The following RGS7 variants were observed in gnomAD, a reference collection of about 807,000 sequenced individuals.
The protein encoded by RGS7 is regulator of G-protein signaling 7.
Under a neutral mutation model 81.1 loss-of-function variants are expected in RGS7, and 27 were observed. That is an observed-to-expected ratio of 0.33 (90% CI 0.25 to 0.46). The LOEUF (loss-of-function observed/expected upper bound fraction) is 0.46, where lower values mean the gene tolerates loss of function less well. RGS7 is among the 20% of genes least tolerant of loss of function. RGS7 has a pLI of 1.00. For missense variants in RGS7, 396 were observed against 607.4 expected (o/e 0.65, Z 3.66); for synonymous variants, 208 against 207.7 (o/e 1.00, Z -0.01).
intron 15 of RGS7, among the ~76,000 whole-genome samples, chr1:240,803,520 A>T (rs1255208205): frequency 6.6e-6 from 1 of 152,146 alleles, no homozygotes; most frequent in Non-Finnish European, 1.5e-5. Context: ...GTCCAAAAAT[A>T]AATTTTGTGA....
At chr1:241,040,171 C>T (rs2060538628) in intron 3 of RGS7, among the ~76,000 whole-genome samples, 1 of 152,234 alleles carries the variant, frequency 6.6e-6, no homozygotes, top group African/African-American at 2.4e-5. Flanking sequence ...TTAGACCCCT[C>T]TCAGCCTTTC....
At chr1:241,019,032 T>G (rs2148687275) in intron 3 of RGS7, among the ~76,000 whole-genome samples, 1 of 152,270 alleles carries the variant, frequency 6.6e-6, no homozygotes, top group South Asian at 2.1e-4. Flanking sequence ...GGGATTTTTC[T>G]CAGAGCCTAA....
At position 240,807,903 on chromosome 1, in the gene RGS7, C is replaced by T. The variant is rs192982533; in HGVS notation, c.1083-1577G>A. 3.4e-3 allele frequency among the ~76,000 whole-genome samples: 522 copies of T among 151,958 alleles called. 3 individuals carry two copies. Among genetic ancestry groups the T allele is most frequent in the Non-Finnish European group, 5.8e-3 (393 of 67,988 alleles). On this transcript the variant is annotated intron_variant, in intron 14 of 18. Transcript: ENST00000440928. ...TACAAAAATTAGCTGGGTGTGGTGG[C>T]GAATGCCCATAATCCCAGCTACTCG...
intron 3 of RGS7, among the ~76,000 whole-genome samples, chr1:241,096,218 A>G (rs1411244722): frequency 6.6e-6 from 1 of 152,200 alleles, no homozygotes; most frequent in Non-Finnish European, 1.5e-5. Flanking sequence ...AAGCTGAAAG[A>G]GCTGGGAAAG....
chr1:240,808,920 CTAAG>C (rs1353190877), intron 14 of RGS7, among the ~76,000 whole-genome samples: 11 of 102,492 alleles, frequency 1.1e-4, no homozygotes, highest in African/African-American at 3.7e-4. Context: ...TAGGTGGAAG[CTAAG>C]TAAGTATTTT....
At chr1:240,927,928 A>G (rs1203094800) in intron 6 of RGS7, among the ~76,000 whole-genome samples, 1 of 152,212 alleles carries the variant, frequency 6.6e-6, no homozygotes, top group Admixed American at 6.5e-5. Flanking sequence ...TGGGAACAAG[A>G]GTGATTCCAT....
chr1:241,100,744 A>C (rs981516524), intron 2 of RGS7, among the ~76,000 whole-genome samples: 1 of 152,228 alleles, frequency 6.6e-6, no homozygotes, highest in African/African-American at 2.4e-5. Flanking sequence ...GGCAAATGAT[A>C]CAACATATAT....
chr1:241,104,590 AAAATT>A (rs1393291116), intron 2 of RGS7, among the ~76,000 whole-genome samples: 12 of 152,250 alleles, frequency 7.9e-5, no homozygotes, highest in East Asian at 1.9e-4. Flanking sequence ...ATTTAGATTA[AAAATT>A]AAATTAAATT....
At chr1:241,157,890 C>T (rs1261355245) in intron 2 of RGS7, among the ~76,000 whole-genome samples, 1 of 44,830 alleles carries the variant, frequency 2.2e-5, no homozygotes, top group Admixed American at 2.3e-4. Context: ...GCGATCTGGG[C>T]TCACTGCAAG....
rs1253172377 is a variant in RGS7, at chr1:241,271,679, A to G, written c.78+84020T>C. On this transcript the variant is annotated intron_variant, in intron 2 of 18. Coordinates refer to ENST00000440928, the MANE Select transcript of RGS7 (RefSeq NM_001364886.1). The surrounding 1 kb of genome is among the most constrained non-coding windows in gnomAD (Gnocchi z 4.6). ...CTGTTGAGGGCCTGAACAGAACAGA[A>G]AGGTGGAAGAAGTAAGGATTCTCTC... Among the ~76,000 whole-genome samples the G allele has an allele frequency of 6.6e-6, 1 of 152,186 alleles. No homozygotes were observed. Among genetic ancestry groups the G allele is most frequent in the African/African-American group, 2.4e-5 (1 of 41,444 alleles).
intron 2 of RGS7, among the ~76,000 whole-genome samples, chr1:241,139,258 C>T (rs935573741): frequency 6.7e-6 from 1 of 150,074 alleles, no homozygotes; most frequent in African/African-American, 2.5e-5. Context: ...TCTTTTCTTC[C>T]TCCCACTCTC....
At chr1:240,840,184 C>T (rs1020370045) in intron 9 of RGS7, among the ~76,000 whole-genome samples, 3 of 152,128 alleles carry the variant, frequency 2.0e-5, no homozygotes, top group African/African-American at 4.8e-5. Flanking sequence ...GACATCACAT[C>T]GGTCTCCTCG....
chr1:241,129,957 T>A (rs1469163716), intron 2 of RGS7, among the ~76,000 whole-genome samples: 2 of 152,212 alleles, frequency 1.3e-5, no homozygotes, highest in African/African-American at 2.4e-5. Flanking sequence ...AAATTAAAGA[T>A]GTAACTGAGT....
At chr1:240,776,262 C>A in intron 18 of RGS7, 49 bp from the exon 19 acceptor site, 1 of 1,361,528 alleles carries the variant, frequency 7.3e-7, no homozygotes, top group Non-Finnish European at 1.1e-6. Context: ...CAAGTACGAT[C>A]ACTGAAAACC....
chr1:241,030,377 T>TATATATATATATATATATATATAC (rs71793632), intron 3 of RGS7, among the ~76,000 whole-genome samples: 4 of 137,380 alleles, frequency 2.9e-5, no homozygotes, highest in Admixed American at 7.2e-5. Flanking sequence ...TATATATACA[T>TATATATATATATATATATATATAC]ACACACATAC....
intron 3 of RGS7, among the ~76,000 whole-genome samples, chr1:241,048,445 G>A (rs1392788061): frequency 6.6e-6 from 1 of 152,092 alleles, no homozygotes; most frequent in Non-Finnish European, 1.5e-5. Flanking sequence ...ATAAATCTGG[G>A]GAGAGAAGCC....
At chr1:241,352,779 C>T (rs1395704737) in intron 2 of RGS7, among the ~76,000 whole-genome samples, 6 of 152,232 alleles carry the variant, frequency 3.9e-5, no homozygotes, top group Non-Finnish European at 4.4e-5. Flanking sequence ...TTTGGAGGAA[C>T]TCCTGTAATT....
At chr1:240,889,037 C>T (rs1355983129) in intron 6 of RGS7, among the ~76,000 whole-genome samples, 6 of 152,248 alleles carry the variant, frequency 3.9e-5, no homozygotes, top group Non-Finnish European at 5.9e-5. Context: ...CTCACTGCAA[C>T]CTCCACCTCC....
chr1:240,982,098 G>A (rs751523061), intron 4 of RGS7, among the ~76,000 whole-genome samples: 39 of 152,076 alleles, frequency 2.6e-4, no homozygotes, highest in African/African-American at 1.4e-4. Flanking sequence ...TGTTTGCCAC[G>A]TGTGAAAGGT....
Sources: gnomAD v4.1 joint callset for allele counts (sites outside exome capture counted in the v4.1 genomes callset) on GRCh38, gnomAD v4.1.1 for gene constraint, Gnocchi (gnomAD v3.1) non-coding constraint, MANE v1.5 for transcripts, NCBI Gene and HGNC (gene_info 2026-07-23, HGNC 2026-07-21) for gene names.